PCDHGA3: variants seen among roughly 807,000 people sequenced by gnomAD.
PCDHGA3 encodes the protein protocadherin gamma subfamily A, 3.
Under a neutral mutation model 58.5 loss-of-function variants are expected in PCDHGA3, and 40 were observed. The observed-to-expected ratio is 0.68, with a 90% CI of 0.53 to 0.89. The LOEUF (loss-of-function observed/expected upper bound fraction) is 0.89. Among genes scored for constraint, PCDHGA3 ranks in the 40% least tolerant of loss-of-function variants. The probability of loss-of-function intolerance (pLI) is 0.00; values close to 1 mark genes in which losing one functional copy is unlikely to be tolerated. For synonymous variants in PCDHGA3, 530 were observed against 525.7 expected (o/e 1.01, Z -0.11); for missense variants, 1,223 against 1,195.9 (o/e 1.02, Z -0.33).
At chr5:141,401,255 T>C (rs56773894) in intron 1 of PCDHGA3, among the ~76,000 whole-genome samples, 18,026 of 152,078 alleles carry the variant, frequency 0.12, 1,226 homozygotes, top group African/African-American at 0.18. Flanking sequence ...GACAGGAGAA[T>C]TGCTTGAACC....
intron 1 of PCDHGA3, chr5:141,416,520 G>A (rs1209482346): frequency 6.6e-6 from 1 of 152,136 alleles, no homozygotes; most frequent in African/African-American, 2.4e-5. Context: ...TATTTCAGTG[G>A]CTCTTTAATG....
intron 1 of PCDHGA3, chr5:141,361,117 G>A: frequency 6.2e-7 from 1 of 1,614,002 alleles, no homozygotes. Context: ...TGGAGATCTA[G>A]CAGCCCACTG....
intron 1 of PCDHGA3, chr5:141,392,432 T>C (rs2092535052): frequency 6.2e-6 from 1 of 160,182 alleles, no homozygotes; most frequent in African/African-American, 2.4e-5. Flanking sequence ...ATTCTTTGGC[T>C]GTTTCTTTTA....
chr5:141,509,255 T>A (rs1434555633), intron 3 of PCDHGA3, among the ~76,000 whole-genome samples: 1 of 152,158 alleles, frequency 6.6e-6, no homozygotes, highest in African/African-American at 2.4e-5. Flanking sequence ...CCTCTCCGGC[T>A]TTAGTCACTC....
chr5:141,377,469 A>G (rs6896353), intron 1 of PCDHGA3: 23,351 of 151,970 alleles, frequency 0.15, 2,565 homozygotes, highest in African/African-American at 0.32. Context: ...TGTGGCGTAC[A>G]CCTGTAGTCC....
At chr5:141,365,390 A>G in intron 1 of PCDHGA3, 1 of 1,613,968 alleles carries the variant, frequency 6.2e-7, no homozygotes, top group Non-Finnish European at 8.5e-7. Flanking sequence ...CTCTCTGACC[A>G]GTTCGATCTC....
Position 141,490,491 on chromosome 5 carries a change from A to T in PCDHGA3, c.2425-4316A>T. 1 of 1,614,098 alleles carries T rather than the reference A, an allele frequency of 6.2e-7. No individual in the cohort carries two copies. Among genetic ancestry groups the T allele is most frequent in the Non-Finnish European group, 8.5e-7 (1 of 1,180,022 alleles). ...GCCAGCCTTTGGACCGGGAGGCCAC[A>T]TCCCACTATATCATCGAGCTGCTGG... On this transcript the variant is annotated intron_variant, in intron 1 of 3. Coordinates refer to ENST00000253812, the MANE Select transcript of PCDHGA3 (RefSeq NM_018916.4). This position sits in a 1 kb window ranked among gnomAD's most constrained non-coding sequence, Gnocchi z 5.4.
intron 1 of PCDHGA3, chr5:141,418,947 G>T (rs534744990): frequency 6.2e-7 from 1 of 1,614,022 alleles, no homozygotes; most frequent in African/African-American, 1.3e-5. Context: ...TCCCCTCCAG[G>T]AGTGGTTGTT....
intron 2 of PCDHGA3, among the ~76,000 whole-genome samples, chr5:141,504,355 C>T (rs974022699): frequency 6.6e-6 from 1 of 152,078 alleles, no homozygotes; most frequent in Non-Finnish European, 1.5e-5. Flanking sequence ...GTGCTAGGTG[C>T]TTCAGTAGGA....
chr5:141,350,850 T>C (rs760044821), intron 1 of PCDHGA3: 4 of 1,614,072 alleles, frequency 2.5e-6, no homozygotes, highest in East Asian at 4.5e-5. Context: ...GAAAAACCTC[T>C]AGACAGGGAA....
chr5:141,423,253 C>G (rs750278899), intron 1 of PCDHGA3: 1 of 1,613,916 alleles, frequency 6.2e-7, no homozygotes, highest in Admixed American at 1.7e-5. Flanking sequence ...CCTGGCGGAC[C>G]TCGGCAGCCT....
chr5:141,346,225 G>T lies in PCDHGA3; in HGVS notation c.2192G>T (p.Gly731Val), dbSNP rs779368925. The change falls in exon 1 of 4, where the codon GGC (glycine) becomes GTC (valine). Residue 731 changes from glycine to valine, a missense_variant. Transcript: ENST00000253812. The part of the protein sequence containing the change: ...KSRLLQASGG[G>V]LASTPGSHFV... ...CGCCTGCTGCAGGCTTCGGGAGGCG[G>T]CTTGGCGAGTACGCCCGGCTCGCAC... 7 of 1,614,082 alleles carry T rather than the reference G, an allele frequency of 4.3e-6. No individual in the cohort carries two copies. In the African/African-American group the frequency reaches 8.0e-5, roughly 18 times the overall value.
chr5:141,448,044 C>T (rs2098559539), intron 1 of PCDHGA3, among the ~76,000 whole-genome samples: 1 of 151,942 alleles, frequency 6.6e-6, no homozygotes, highest in African/African-American at 2.4e-5. Context: ...CAAGATCATG[C>T]CATTGCTCTC....
chr5:141,401,546 ATGCTATT>A (rs1372970930), intron 1 of PCDHGA3, among the ~76,000 whole-genome samples: 1 of 152,214 alleles, frequency 6.6e-6, no homozygotes, highest in African/African-American at 2.4e-5. Context: ...AAAAAAGGAA[ATGCTATT>A]GCCTGAATTT....
chr5:141,360,369 C>G, intron 1 of PCDHGA3: 1 of 1,613,842 alleles, frequency 6.2e-7, no homozygotes, highest in Non-Finnish European at 8.5e-7. Context: ...TCACAGTAAA[C>G]CCAGAAAGCG....
chr5:141,417,980 C>G lies in PCDHGA3; in HGVS notation c.2424+71523C>G, dbSNP rs905203424. On this transcript the variant is annotated intron_variant, in intron 1 of 3. Coordinates refer to ENST00000253812, the MANE Select transcript of PCDHGA3 (RefSeq NM_018916.4). ...GATCCGCTACTCGATTCCGGAGGAG[C>G]TGGCCAAGGGCTCGGTGGTGGGGAA... is the stretch of plus-strand genomic sequence containing the variant. The G allele has an allele frequency of 1.9e-6, 3 of 1,613,738 alleles. No individual in the cohort carries two copies. In the African/African-American group the frequency reaches 4.0e-5, roughly 22 times the overall value.
chr5:141,490,111 A>G lies in PCDHGA3; in HGVS notation c.2425-4696A>G. 6.2e-7 allele frequency: 1 copy of G among 1,614,244 alleles called. No individual in the cohort carries two copies. The highest frequency in any genetic ancestry group is 8.5e-7 in the Non-Finnish European group (1 of 1,180,042). On this transcript the variant is annotated intron_variant, in intron 1 of 3. Coordinates refer to ENST00000253812, the MANE Select transcript of PCDHGA3 (RefSeq NM_018916.4). The surrounding 1 kb of genome is among the most constrained non-coding windows in gnomAD (Gnocchi z 5.4). ...AGACCACACATCTGAGGCAGTGCGGAACCTCTTTGGCCTAGACCCTAGCAG... is the reference window on the plus strand; with the variant it reads ...AGACCACACATCTGAGGCAGTGCGGGACCTCTTTGGCCTAGACCCTAGCAG...
chr5:141,479,469 C>T lies in PCDHGA3; in HGVS notation c.2425-15338C>T, dbSNP rs1218436564. 8 of 152,344 alleles carry T rather than the reference C, an allele frequency of 5.3e-5. No homozygotes were observed. In the East Asian group the frequency reaches 1.5e-3, roughly 29 times the overall value. 9.4% of individuals were successfully genotyped at this position (152,344 alleles called of 1,614,324 possible). On this transcript the variant is annotated intron_variant, in intron 1 of 3. Transcript: ENST00000253812. ...AAGTTCAGCATGAATACAGTGACCT[C>T]TTGGGAGGGCAGGACCATCAGGTTG...
chr5:141,421,507 G>A lies in PCDHGA3; in HGVS notation c.2425-73300G>A, dbSNP rs758920296. On this transcript the variant is annotated intron_variant, in intron 1 of 3. Coordinates refer to ENST00000253812, the MANE Select transcript of PCDHGA3 (RefSeq NM_018916.4). ...GATCACGGCAGGCAGGATAGACCGG[G>A]AGGAGCTCTGTGAGACGGTGTCCTC... The A allele has an allele frequency of 6.8e-6, 11 of 1,614,070 alleles. No homozygotes were observed. The South Asian group carries it at 1.2e-4, about 18-fold the overall frequency.
Sources: gnomAD v4.1 joint callset for allele counts (sites outside exome capture counted in the v4.1 genomes callset) on GRCh38, gnomAD v4.1.1 for gene constraint, Gnocchi (gnomAD v3.1) non-coding constraint, MANE v1.5 for transcripts, NCBI Gene and HGNC (gene_info 2026-07-23, HGNC 2026-07-21) for gene names.